EXT1: variants seen among roughly 807,000 people sequenced by gnomAD.
The protein encoded by EXT1 is exostosin-1.
EXT1 carries 20 observed loss-of-function variants against 82.5 expected under a neutral mutation model. The ratio of observed to expected loss-of-function variants is 0.24; its 90% CI spans 0.17 to 0.35. The LOEUF is 0.35. Ranked by LOEUF, EXT1 falls within the 10% of genes least tolerant of loss-of-function variation. The probability of loss-of-function intolerance (pLI) is 1.00; values close to 1 mark genes in which losing one functional copy is unlikely to be tolerated. For missense variants in EXT1, 757 were observed against 936.5 expected, an observed-to-expected ratio of 0.81 and a Z score of 2.50; for synonymous variants, 348 against 350.8, an observed-to-expected ratio of 0.99 and a Z score of 0.09.
chr8:118,030,318 AAAAG>A (rs2129876685), intron 1 of EXT1, among the ~76,000 whole-genome samples: 1 of 152,268 alleles, frequency 6.6e-6, no homozygotes, highest in African/African-American at 2.4e-5. Context: ...GAGCAATGGG[AAAAG>A]AAACACTGAA....
chr8:117,899,831 A>G (rs934454170), intron 1 of EXT1, among the ~76,000 whole-genome samples: 3 of 152,230 alleles, frequency 2.0e-5, no homozygotes, highest in Non-Finnish European at 4.4e-5. Flanking sequence ...AAAAATGACC[A>G]TATGTGGCAA....
At chr8:118,094,242 A>G (rs984292257) in intron 1 of EXT1, among the ~76,000 whole-genome samples, 13 of 152,194 alleles carry the variant, frequency 8.5e-5, no homozygotes, top group East Asian at 3.9e-4. Flanking sequence ...TTAAAGACAC[A>G]AAGTCATATT....
At chr8:118,084,722 C>T (rs1817388218) in intron 1 of EXT1, among the ~76,000 whole-genome samples, 1 of 152,144 alleles carries the variant, frequency 6.6e-6, no homozygotes, top group African/African-American at 2.4e-5. Context: ...TTCCAGAGCC[C>T]AGTTCATGCG....
rs60354141 is a variant in EXT1, at chr8:118,002,528, C to CTTTTTT, written c.962+107551_962+107556dup. 6.3e-4 allele frequency among the ~76,000 whole-genome samples: 55 copies of CTTTTTT among 87,076 alleles called. 1 individual carries two copies. The highest frequency in any genetic ancestry group is 1.4e-3 in the African/African-American group (30 of 21,258). 57.1% of individuals were successfully genotyped at this position (87,076 alleles called of 152,430 possible). On this transcript the variant is annotated intron_variant, in intron 1 of 10. Coordinates refer to ENST00000378204, the MANE Select transcript of EXT1 (RefSeq NM_000127.3). The stretch of plus-strand genomic sequence containing the variant: ...TATGGAAAACAGTGTGAATATTTTT[C>CTTTTTT]TTTTTTTTTTTTTTTTTTTTTGAGA...
rs530901035 is a variant in EXT1, at chr8:117,885,739, G to A, written c.963-48538C>T. ...TTGATAGCCATTCACATATTCTGAG[G>A]AAATTTAGAGCTTCTCCCTAGTAGA... On this transcript the variant is annotated intron_variant, in intron 1 of 10. Transcript: ENST00000378204. Among the ~76,000 whole-genome samples the A allele has an allele frequency of 2.1e-3, 325 of 152,202 alleles. 4 individuals are homozygous for A. Among genetic ancestry groups the A allele is most frequent in the African/African-American group, 7.6e-3 (317 of 41,548 alleles).
chr8:117,890,668 T>G (rs1222009811), intron 1 of EXT1, among the ~76,000 whole-genome samples: 2 of 152,188 alleles, frequency 1.3e-5, no homozygotes, highest in Admixed American at 1.3e-4. Context: ...AACTGGGTAT[T>G]CCCAGGTTCG....
chr8:117,917,325 C>T (rs931236232), intron 1 of EXT1, among the ~76,000 whole-genome samples: 2 of 151,988 alleles, frequency 1.3e-5, no homozygotes, highest in East Asian at 1.9e-4. Context: ...AATAGCCAGG[C>T]GTAGTGGTGC....
At chr8:118,009,333 A>G (rs1330866510) in intron 1 of EXT1, among the ~76,000 whole-genome samples, 2 of 152,234 alleles carry the variant, frequency 1.3e-5, no homozygotes, top group East Asian at 1.9e-4. Flanking sequence ...TGGAAGAAAC[A>G]ACAAAAACTA....
chr8:117,867,064 G>C (rs1403088888), intron 1 of EXT1, among the ~76,000 whole-genome samples: 2 of 151,996 alleles, frequency 1.3e-5, no homozygotes, highest in Non-Finnish European at 2.9e-5. Context: ...TTCAAGACCA[G>C]CCTGGCCAAA....
chr8:118,034,935 T>C (rs1024774745), intron 1 of EXT1, among the ~76,000 whole-genome samples: 4 of 152,056 alleles, frequency 2.6e-5, no homozygotes, highest in East Asian at 1.9e-4. Flanking sequence ...CCAACCCCTA[T>C]AGGTATTAGG....
chr8:117,999,957 C>T (rs200417165), intron 1 of EXT1, among the ~76,000 whole-genome samples: 1 of 132,740 alleles, frequency 7.5e-6, no homozygotes, highest in Non-Finnish European at 1.6e-5. Flanking sequence ...TATGTATGTG[C>T]GTGTATATAT....
At chr8:117,897,719 C>T (rs904878230) in intron 1 of EXT1, among the ~76,000 whole-genome samples, 15 of 150,936 alleles carry the variant, frequency 9.9e-5, no homozygotes, top group Admixed American at 4.6e-4. Flanking sequence ...CTCAGCCTTC[C>T]GAGTAGCTGG....
At chr8:117,824,453 C>T (rs919699218) in intron 4 of EXT1, among the ~76,000 whole-genome samples, 3 of 152,138 alleles carry the variant, frequency 2.0e-5, no homozygotes, top group East Asian at 1.9e-4. Flanking sequence ...AGGACAGGTA[C>T]GAAAGCAGTA....
chr8:117,973,062 T>C (rs1814974156), intron 1 of EXT1, among the ~76,000 whole-genome samples: 1 of 152,240 alleles, frequency 6.6e-6, no homozygotes, highest in East Asian at 1.9e-4. Context: ...GCCTGAATGA[T>C]AATTTTCAAA....
At chr8:118,001,145 G>A (rs1440791512) in intron 1 of EXT1, among the ~76,000 whole-genome samples, 1 of 152,078 alleles carries the variant, frequency 6.6e-6, no homozygotes, top group African/African-American at 2.4e-5. Flanking sequence ...CATCTTATTT[G>A]GTGATTTTCT....
At chr8:117,908,658 AC>A (rs1368386148) in intron 1 of EXT1, among the ~76,000 whole-genome samples, 1 of 152,048 alleles carries the variant, frequency 6.6e-6, no homozygotes, top group Non-Finnish European at 1.5e-5. Flanking sequence ...AAAAAAACCA[AC>A]AAAAAACAAA....
chr8:118,025,787 T>C (rs938970206), intron 1 of EXT1, among the ~76,000 whole-genome samples: 3 of 152,070 alleles, frequency 2.0e-5, no homozygotes, highest in African/African-American at 4.8e-5. Flanking sequence ...ACCACTTCAA[T>C]CAAAGTTTTG....
chr8:117,963,989 A>C (rs939713008), intron 1 of EXT1, among the ~76,000 whole-genome samples: 2 of 152,156 alleles, frequency 1.3e-5, no homozygotes. Context: ...AAGTCACCAT[A>C]ATTTTGGCTA....
intron 1 of EXT1, among the ~76,000 whole-genome samples, chr8:117,943,568 C>A (rs1336510616): frequency 6.6e-6 from 1 of 152,166 alleles, no homozygotes; most frequent in Non-Finnish European, 1.5e-5. Context: ...TGATGATATT[C>A]CTGCAAAAGA....
Sources: allele counts gnomAD v4.1 joint callset (sites outside exome capture counted in the v4.1 genomes callset), GRCh38; gene constraint gnomAD v4.1.1; transcripts MANE v1.5; gene names NCBI Gene and HGNC (gene_info 2026-07-23, HGNC 2026-07-21).